Variants in TBCE observed in about 807,000 individuals in gnomAD.
The protein encoded by TBCE is tubulin-specific chaperone E.
In TBCE, 53 loss-of-function variants were observed where a neutral mutation model predicts 77.0. The ratio of observed to expected loss-of-function variants is 0.69; its 90% CI spans 0.55 to 0.87. The LOEUF (loss-of-function observed/expected upper bound fraction) is 0.87. Ranked by LOEUF, TBCE falls within the 40% of genes least tolerant of loss-of-function variation. The pLI, the probability that TBCE is intolerant of heterozygous loss-of-function variation, is 0.00. For synonymous variants in TBCE, 235 were observed against 241.3 expected (o/e 0.97, Z 0.24); for missense variants, 624 against 622.4 (o/e 1.00, Z -0.03).
At position 235,436,355 on chromosome 1, in the gene TBCE, G is replaced by A. The variant is rs2102923824; in HGVS notation, c.834-31G>A. 7 of 1,598,842 alleles carry A rather than the reference G, an allele frequency of 4.4e-6. No individual in the cohort carries two copies. In the East Asian group the frequency reaches 1.6e-4, roughly 36 times the overall value. ...ACCCCATAGCATTTTACATTGTTCTGTGTAATCAAATTGTACATTTTGAAT... is the reference window on the plus strand; with the variant it reads ...ACCCCATAGCATTTTACATTGTTCTATGTAATCAAATTGTACATTTTGAAT... On this transcript the variant is annotated intron_variant, in intron 9 of 16. Coordinates refer to ENST00000642610, the MANE Select transcript of TBCE (RefSeq NM_003193.5).
intron 3 of TBCE, among the ~76,000 whole-genome samples, chr1:235,407,185 G>A (rs1003634890): frequency 1.4e-5 from 2 of 147,746 alleles, no homozygotes; most frequent in African/African-American, 5.0e-5. Context: ...CCAGGTAGTA[G>A]TACAGTGGCA....
chr1:235,376,228 C>T (rs140714729), intron 1 of TBCE, among the ~76,000 whole-genome samples: 4 of 152,252 alleles, frequency 2.6e-5, no homozygotes, highest in African/African-American at 9.6e-5. Flanking sequence ...GAGTTACCTA[C>T]AGATGTTAGA....
chr1:235,376,377 A>G (rs1360148346), intron 1 of TBCE, among the ~76,000 whole-genome samples: 1 of 152,120 alleles, frequency 6.6e-6, no homozygotes, highest in African/African-American at 2.4e-5. Context: ...AGGGTGATGT[A>G]GTAGTACCCT....
At chr1:235,421,160 G>A (rs1680379965) in intron 5 of TBCE, among the ~76,000 whole-genome samples, 1 of 152,192 alleles carries the variant, frequency 6.6e-6, no homozygotes, top group Non-Finnish European at 1.5e-5. Flanking sequence ...GGTAATCTCA[G>A]CATGGTAATC....
chr1:235,403,073 C>G (rs532215297), intron 3 of TBCE, among the ~76,000 whole-genome samples: 1 of 152,318 alleles, frequency 6.6e-6, no homozygotes, highest in South Asian at 2.1e-4. Context: ...AAAAGGCCAA[C>G]TCTACTTGTA....
rs538210617 is a variant in TBCE at position 235,449,933 on chromosome 1, G to T, written c.*1171G>T. On this transcript the variant is annotated 3_prime_UTR_variant, in exon 17 of 17. Coordinates refer to ENST00000642610, the MANE Select transcript of TBCE (RefSeq NM_003193.5). ...ATTAGCCACAATGCATCAGGATTTA[G>T]AAATATTTTTTCTTTTATAAAATAA... 3 of 305,248 alleles carry T rather than the reference G, an allele frequency of 9.8e-6. No individual in the cohort carries two copies. Among genetic ancestry groups the T allele is most frequent in the East Asian group, 1.3e-4 (2 of 15,552 alleles). The allele number at this position is 305,248 out of a possible 1,614,324, so 18.9% of individuals were successfully genotyped here.
chr1:235,392,185 G>T (rs1678427547), intron 2 of TBCE, among the ~76,000 whole-genome samples: 1 of 151,152 alleles, frequency 6.6e-6, no homozygotes, highest in Admixed American at 6.6e-5. Flanking sequence ...AAATAAATAA[G>T]TACATAAATA....
intron 15 of TBCE, among the ~76,000 whole-genome samples, chr1:235,446,426 C>G (rs1682303772): frequency 6.6e-6 from 1 of 152,102 alleles, no homozygotes; most frequent in Non-Finnish European, 1.5e-5. Flanking sequence ...ATCCGCCCGC[C>G]TCGGCCTCCC....
At chr1:235,411,360 T>G (rs1315653451) in intron 3 of TBCE, among the ~76,000 whole-genome samples, 1 of 152,208 alleles carries the variant, frequency 6.6e-6, no homozygotes, top group African/African-American at 2.4e-5. Context: ...AGTTGAAGCC[T>G]TGGTAAAATA....
At chr1:235,420,877 C>T (rs554984993) in intron 5 of TBCE, among the ~76,000 whole-genome samples, 37 of 152,258 alleles carry the variant, frequency 2.4e-4, no homozygotes, top group African/African-American at 8.4e-4. Flanking sequence ...TCCCCTGCCT[C>T]GGCCTCCCAA....
intron 13 of TBCE, among the ~76,000 whole-genome samples, chr1:235,440,126 A>T (rs1027958166): frequency 2.0e-5 from 3 of 151,894 alleles, no homozygotes; most frequent in Admixed American, 1.3e-4. Flanking sequence ...GCCCACCACC[A>T]CACCCGGCTA....
intron 3 of TBCE, among the ~76,000 whole-genome samples, chr1:235,406,159 C>T (rs1402590032): frequency 6.6e-6 from 1 of 152,114 alleles, no homozygotes; most frequent in Non-Finnish European, 1.5e-5. Context: ...CTGTGAATTC[C>T]ATTTCAGGAT....
In TBCE at chr1:235,394,418, C is replaced by CTTTTT. The variant is rs386370043; in HGVS notation, c.101-7064_101-7060dup. On this transcript the variant is annotated intron_variant, in intron 2 of 16. Coordinates refer to ENST00000642610, the MANE Select transcript of TBCE (RefSeq NM_003193.5). ...GACATTTGATAATTTTTGATAATTTCTTTTTTTTTTTTTTTTTTTTTTTTT... is the reference window on the plus strand; with the variant it reads ...GACATTTGATAATTTTTGATAATTTCTTTTTTTTTTTTTTTTTTTTTTTTTTTTTT... 3.8e-3 allele frequency among the ~76,000 whole-genome samples: 278 copies of CTTTTT among 72,316 alleles called. 15 individuals are homozygous for CTTTTT. Among genetic ancestry groups the CTTTTT allele is most frequent in the African/African-American group, 4.9e-3 (90 of 18,258 alleles). The allele number at this position is 72,316 out of a possible 152,430, so 47.4% of individuals were successfully genotyped here.
At chr1:235,428,090 T>C (rs529501840) in intron 6 of TBCE, among the ~76,000 whole-genome samples, 1 of 151,894 alleles carries the variant, frequency 6.6e-6, no homozygotes, top group African/African-American at 2.4e-5. Context: ...TTTGGGAGGC[T>C]GAGGCGGGCG....
At chr1:235,418,804 A>T (rs894426158) in intron 4 of TBCE, among the ~76,000 whole-genome samples, 7 of 152,360 alleles carry the variant, frequency 4.6e-5, no homozygotes, top group Admixed American at 4.6e-4. Context: ...TACCATTTAT[A>T]TCAAGTTTCA....
rs772808072 is a variant in TBCE at position 235,448,733 on chromosome 1, AATGGAGATTGTCTATT to A, written c.1557_1572del (p.Asn519LysfsTer56). The A allele has an allele frequency of 6.2e-7, 1 of 1,614,038 alleles. No homozygotes were observed. Among genetic ancestry groups the A allele is most frequent in the Non-Finnish European group, 8.5e-7 (1 of 1,179,924 alleles). ...GTCATTACAGTTTTATTCTGTGGAAAATGGAGATTGTCTATTAGTGCGATGGTGACAACCAACTAAT... is the reference window on the plus strand; with the variant it reads ...GTCATTACAGTTTTATTCTGTGGAAAAGTGCGATGGTGACAACCAACTAAT... On this transcript the variant is annotated frameshift_variant, in exon 17 of 17. Transcript: ENST00000642610. LOFTEE classifies it high-confidence loss of function.
intron 14 of TBCE, 136 bp from the exon 15 acceptor site, chr1:235,442,716 G>T (rs1022942793): frequency 7.6e-5 from 59 of 772,042 alleles, no homozygotes; most frequent in Middle Eastern, 5.2e-4. Context: ...TTAATAGAAA[G>T]AATTTTAAAC....
At chr1:235,439,439 T>G (rs1390995826) in intron 13 of TBCE, among the ~76,000 whole-genome samples, 2 of 148,684 alleles carry the variant, frequency 1.3e-5, no homozygotes, top group Non-Finnish European at 3.0e-5. Context: ...GAGCTTGCAG[T>G]GAGCCGAGAT....
At chr1:235,423,197 G>T (rs1433332031) in intron 5 of TBCE, among the ~76,000 whole-genome samples, 1 of 152,076 alleles carries the variant, frequency 6.6e-6, no homozygotes, top group African/African-American at 2.4e-5. Context: ...AAATCTGAGG[G>T]TACTTCCAGG....
Sources: allele counts gnomAD v4.1 joint callset (sites outside exome capture counted in the v4.1 genomes callset), GRCh38; gene constraint gnomAD v4.1.1; transcripts MANE v1.5; gene names NCBI Gene and HGNC (gene_info 2026-07-23, HGNC 2026-07-21).